The following FRMD4A variants were observed in gnomAD, a reference collection of about 807,000 sequenced individuals.
FRMD4A encodes FERM domain containing 4A.
Under a neutral mutation model 129.1 loss-of-function variants are expected in FRMD4A, and 29 were observed. The observed-to-expected ratio is 0.22, with a 90% confidence interval of 0.17 to 0.31. The LOEUF (loss-of-function observed/expected upper bound fraction) is 0.31. Ranked by LOEUF, FRMD4A falls within the 10% of genes least tolerant of loss-of-function variation. The pLI, the probability that FRMD4A is intolerant of heterozygous loss-of-function variation, is 1.00. For synonymous variants in FRMD4A, 634 were observed against 571.6 expected (o/e 1.11, Z -1.56); for missense variants, 1,272 against 1,375.8 (o/e 0.92, Z 1.19).
chr10:14,189,639 A>G (rs1158005904), intron 2 of FRMD4A, among the ~76,000 whole-genome samples: 1 of 152,212 alleles, frequency 6.6e-6, no homozygotes, highest in African/African-American at 2.4e-5. Context: ...ACCAAGTAAC[A>G]TTCTTTGTTC....
At chr10:13,793,854 G>C (rs2093055651) in intron 5 of FRMD4A, among the ~76,000 whole-genome samples, 1 of 152,208 alleles carries the variant, frequency 6.6e-6, no homozygotes, top group Admixed American at 6.5e-5. Context: ...GCAAGGTAAA[G>C]AGACGGAATT....
intron 21 of FRMD4A, 49 bp from the exon 22 acceptor site, chr10:13,657,571 G>T (rs963508713): frequency 2.7e-6 from 4 of 1,496,340 alleles, no homozygotes; most frequent in Non-Finnish European, 3.6e-6. Flanking sequence ...GTGGGCCCAA[G>T]GAGGGGTGCT....
At chr10:13,863,836 C>A (rs561661502) in intron 2 of FRMD4A, among the ~76,000 whole-genome samples, 1 of 151,680 alleles carries the variant, frequency 6.6e-6, no homozygotes, top group East Asian at 1.9e-4. Context: ...TGCAGAGTAC[C>A]CAGATCAGAG....
chr10:13,942,280 C>T (rs1439000964), intron 2 of FRMD4A, among the ~76,000 whole-genome samples: 1 of 152,206 alleles, frequency 6.6e-6, no homozygotes, highest in Non-Finnish European at 1.5e-5. Flanking sequence ...TTGACATCTC[C>T]ATAGATGTCT....
At chr10:14,198,397 A>C (rs1199261281) in intron 2 of FRMD4A, among the ~76,000 whole-genome samples, 1 of 152,178 alleles carries the variant, frequency 6.6e-6, no homozygotes, top group East Asian at 1.9e-4. Context: ...GGCCAGGCGG[A>C]ATAGAAACAA....
chr10:13,883,398 A>C (rs2094569584), intron 2 of FRMD4A, among the ~76,000 whole-genome samples: 1 of 152,154 alleles, frequency 6.6e-6, no homozygotes, highest in Admixed American at 6.5e-5. Flanking sequence ...AGGCTAAGGC[A>C]GGATAACTTC....
chr10:13,972,811 A>G (rs1198961089), intron 2 of FRMD4A, among the ~76,000 whole-genome samples: 4 of 152,238 alleles, frequency 2.6e-5, no homozygotes, highest in Non-Finnish European at 4.4e-5. Flanking sequence ...CTAGCTGTAC[A>G]ATTAAGACAA....
At chr10:13,895,396 C>G (rs1196723841) in intron 2 of FRMD4A, among the ~76,000 whole-genome samples, 1 of 152,160 alleles carries the variant, frequency 6.6e-6, no homozygotes, top group Non-Finnish European at 1.5e-5. Context: ...CCATCCATGT[C>G]CCTGCAAAGG....
intron 2 of FRMD4A, among the ~76,000 whole-genome samples, chr10:13,993,166 G>A (rs2095609647): frequency 6.6e-6 from 1 of 152,160 alleles, no homozygotes; most frequent in Non-Finnish European, 1.5e-5. Flanking sequence ...CATCTCTGCT[G>A]TGGATGTGAC....
chr10:14,076,254 A>G (rs943869103), intron 2 of FRMD4A, among the ~76,000 whole-genome samples: 3 of 152,152 alleles, frequency 2.0e-5, no homozygotes, highest in Non-Finnish European at 1.5e-5. Context: ...GGATTTTTCC[A>G]GCATGGTGAA....
intron 12 of FRMD4A, among the ~76,000 whole-genome samples, chr10:13,715,900 C>A (rs1178550546): frequency 3.3e-5 from 3 of 89,710 alleles, no homozygotes; most frequent in Non-Finnish European, 6.8e-5. Context: ...GTGAGACTCC[C>A]CCCTCAAAAA....
chr10:14,225,397 A>G (rs1843401646), intron 2 of FRMD4A, among the ~76,000 whole-genome samples: 2 of 152,242 alleles, frequency 1.3e-5, no homozygotes, highest in South Asian at 4.1e-4. Context: ...GTCCTAGGGT[A>G]GCAAGAAAAG....
intron 2 of FRMD4A, among the ~76,000 whole-genome samples, chr10:14,012,551 G>T (rs891347989): frequency 1.3e-5 from 2 of 152,190 alleles, no homozygotes; most frequent in Non-Finnish European, 2.9e-5. Context: ...TGCAGTGTTG[G>T]TGATAATGGA....
chr10:13,707,922 T>A (rs759201031), intron 12 of FRMD4A: 8 of 982,772 alleles, frequency 8.1e-6, no homozygotes, highest in Non-Finnish European at 9.7e-6. Context: ...TGTTTGGAAG[T>A]AATTAGGGCT....
intron 2 of FRMD4A, among the ~76,000 whole-genome samples, chr10:14,209,812 C>A (rs1265597383): frequency 6.6e-6 from 1 of 152,068 alleles, no homozygotes; most frequent in East Asian, 1.9e-4. Flanking sequence ...CACTTGAACC[C>A]AGGAGGTCGT....
chr10:14,156,589 G>C (rs1430054429), intron 2 of FRMD4A, among the ~76,000 whole-genome samples: 1 of 152,134 alleles, frequency 6.6e-6, no homozygotes, highest in Non-Finnish European at 1.5e-5. Flanking sequence ...GGTACATGGA[G>C]ACCTCCACTC....
At chr10:13,933,188 A>T (rs1829683032) in intron 2 of FRMD4A, among the ~76,000 whole-genome samples, 1 of 152,174 alleles carries the variant, frequency 6.6e-6, no homozygotes, top group Non-Finnish European at 1.5e-5. Context: ...TAAGGCAGGA[A>T]AATAGGGTCT....
chr10:13,688,516 C>T (rs1234634240), intron 15 of FRMD4A, among the ~76,000 whole-genome samples: 1 of 151,786 alleles, frequency 6.6e-6, no homozygotes, highest in Non-Finnish European at 1.5e-5. Flanking sequence ...GCACCTTGTG[C>T]ACATGTACCC....
At chr10:14,319,211 C>T (rs1589307300) in intron 2 of FRMD4A, among the ~76,000 whole-genome samples, 1 of 152,198 alleles carries the variant, frequency 6.6e-6, no homozygotes, top group African/African-American at 2.4e-5. Context: ...GGAACAGAGA[C>T]AAGCCATTCC....
Sources: gnomAD v4.1 joint callset for allele counts (sites outside exome capture counted in the v4.1 genomes callset) on GRCh38, gnomAD v4.1.1 for gene constraint, MANE v1.5 for transcripts, NCBI Gene and HGNC (gene_info 2026-07-23, HGNC 2026-07-21) for gene names.